Variants in PCDHA6 observed in about 807,000 individuals in gnomAD.
PCDHA6 encodes protocadherin alpha 6.
A neutral mutation model predicts 60.3 loss-of-function variants in PCDHA6; 55 were observed. The observed-to-expected ratio is 0.91, with a 90% confidence interval of 0.73 to 1.14. The LOEUF is 1.14. Among genes scored for constraint, PCDHA6 ranks in the 50% most tolerant of loss-of-function variants. The pLI is 0.00. For synonymous variants in PCDHA6, 652 were observed against 557.9 expected (o/e 1.17, Z -2.38); for missense variants, 1,327 against 1,256.5 (o/e 1.06, Z -0.85).
intron 1 of PCDHA6, among the ~76,000 whole-genome samples, chr5:140,945,406 G>A (rs992531626): frequency 2.0e-4 from 30 of 151,882 alleles, no homozygotes; most frequent in East Asian, 1.2e-3. Flanking sequence ...AATACAATTC[G>A]TATCAAAATT....
intron 1 of PCDHA6, among the ~76,000 whole-genome samples, chr5:140,933,147 A>G (rs1584764690): frequency 6.6e-6 from 1 of 151,986 alleles, no homozygotes. Context: ...ATAGCCACTC[A>G]TTTTGTTCCC....
intron 1 of PCDHA6, among the ~76,000 whole-genome samples, chr5:140,891,246 AT>A (rs1213637493): frequency 2.0e-5 from 3 of 151,650 alleles, no homozygotes; most frequent in Non-Finnish European, 4.4e-5. Flanking sequence ...ATTCAGTAGG[AT>A]TTTTTTTAAT....
intron 1 of PCDHA6, chr5:140,875,899 T>C: frequency 1.2e-6 from 2 of 1,614,192 alleles, no homozygotes; most frequent in South Asian, 1.1e-5. Context: ...GGTACCTGTT[T>C]CTGAATCTGC....
chr5:140,841,770 C>A lies in PCDHA6; in HGVS notation c.2394+11285C>A, dbSNP rs148555729. 329 of 1,613,798 alleles carry A rather than the reference C, an allele frequency of 2.0e-4. 2 individuals carry two copies. The highest frequency in any genetic ancestry group is 3.6e-5 in the Non-Finnish European group (43 of 1,179,882). ...GTTTCAGAATCCAGAATGCCAGACT[C>A]TCGGTTTCCGCTAGAGGGCGCGTCC... On this transcript the variant is annotated intron_variant, in intron 1 of 3. Transcript: ENST00000529310.
chr5:140,920,559 C>T (rs2153557837), intron 1 of PCDHA6, among the ~76,000 whole-genome samples: 2 of 152,226 alleles, frequency 1.3e-5, no homozygotes, highest in South Asian at 4.1e-4. Context: ...GAAGTGTGGC[C>T]CTTAGGCCAG....
chr5:140,870,675 C>G, intron 1 of PCDHA6: 1 of 1,612,672 alleles, frequency 6.2e-7, no homozygotes, highest in Non-Finnish European at 8.5e-7. Context: ...CGTTGGACCA[C>G]GAGGAGCTGG....
chr5:140,896,404 G>T (rs1003824556), intron 1 of PCDHA6, among the ~76,000 whole-genome samples: 4 of 151,996 alleles, frequency 2.6e-5, no homozygotes, highest in Admixed American at 2.6e-4. Context: ...TGTTATTTTT[G>T]ACTTTTTAGT....
chr5:140,875,918 A>T, intron 1 of PCDHA6: 1 of 1,613,782 alleles, frequency 6.2e-7, no homozygotes, highest in Non-Finnish European at 8.5e-7. Flanking sequence ...GCGCCTCTGG[A>T]CTCTCATTTT....
intron 3 of PCDHA6, among the ~76,000 whole-genome samples, chr5:140,991,989 G>A (rs782528431): frequency 1.3e-5 from 2 of 151,180 alleles, no homozygotes; most frequent in African/African-American, 4.9e-5. Flanking sequence ...CCTACCACCC[G>A]GTCTTTCATG....
intron 1 of PCDHA6, chr5:140,834,522 C>G: frequency 6.2e-7 from 1 of 1,614,068 alleles, no homozygotes; most frequent in Non-Finnish European, 8.5e-7. Context: ...CTTCGTGGGC[C>G]GCATCGCGCA....
intron 1 of PCDHA6, chr5:140,877,782 G>A (rs1389004100): frequency 6.2e-7 from 1 of 1,614,036 alleles, no homozygotes; most frequent in Non-Finnish European, 8.5e-7. Context: ...CGGACCTCAT[G>A]GCCTTCAGCC....
intron 1 of PCDHA6, chr5:140,864,139 T>C (rs2048337993): frequency 6.6e-6 from 1 of 152,226 alleles, no homozygotes; most frequent in South Asian, 2.1e-4. Context: ...GGCTGTTTCC[T>C]GTAAATGAGA....
chr5:140,903,524 A>T (rs2070355065), intron 1 of PCDHA6, among the ~76,000 whole-genome samples: 1 of 152,156 alleles, frequency 6.6e-6, no homozygotes, highest in Non-Finnish European at 1.5e-5. Flanking sequence ...TGTGTTGTTC[A>T]CTTTAAACTA....
chr5:140,840,817 C>T (rs1422232698), intron 1 of PCDHA6, among the ~76,000 whole-genome samples: 1 of 152,040 alleles, frequency 6.6e-6, no homozygotes, highest in Non-Finnish European at 1.5e-5. Context: ...ACCAGTGTTT[C>T]TGGTGACCAA....
At chr5:140,899,175 C>G (rs1219166721) in intron 1 of PCDHA6, among the ~76,000 whole-genome samples, 2 of 152,034 alleles carry the variant, frequency 1.3e-5, no homozygotes, top group African/African-American at 4.8e-5. Flanking sequence ...AATTGAATAC[C>G]CTTTATTTCC....
chr5:140,979,122 T>C (rs1271679977), intron 2 of PCDHA6, 115 bp downstream of exon 2: 2 of 1,493,778 alleles, frequency 1.3e-6, no homozygotes, highest in African/African-American at 2.8e-5. Flanking sequence ...TTAGGTACTT[T>C]GCCAGGAAAA....
chr5:140,829,366 A>G lies in PCDHA6; in HGVS notation c.1275A>G (p.Val425=), dbSNP rs17853691. The G allele has an allele frequency of 6.2e-7, 1 of 1,614,210 alleles. No individual in the cohort carries two copies. The change falls in exon 1 of 4, where the codon GTA becomes GTG. Residue 425 remains valine (V), a synonymous_variant. Transcript: ENST00000529310. ...GCGTGTCGGCCTATGAGTTGGTGGT[A>G]ACCGCGCGGGACGGGGGCTCGCCTT... The part of the protein sequence containing the change: ...RESVSAYELV[V]TARDGGSPSL...
At chr5:140,858,172 G>A (rs1554151243) in intron 1 of PCDHA6, 1 of 1,597,816 alleles carries the variant, frequency 6.3e-7, no homozygotes, top group South Asian at 1.1e-5. Context: ...TGTCCAGCTT[G>A]CTGGTGCTCA....
rs2150435821 is a variant in PCDHA6 at position 140,849,360 on chromosome 5, A to G, written c.2394+18875A>G. ...CTTCTCCAGTGATGTTTCTCCAGAT[A>G]TAAAATCCAAGTTCCACATGGACCC... On this transcript the variant is annotated intron_variant, in intron 1 of 3. Transcript: ENST00000529310. The G allele has an allele frequency of 6.8e-6, 10 of 1,467,526 alleles. No homozygotes were observed. In the African/African-American group the frequency reaches 1.1e-4, roughly 16 times the overall value. The allele number at this position is 1,467,526 out of a possible 1,614,324, so 90.9% of individuals were successfully genotyped here. A position where few individuals can be genotyped will look rare whatever the true frequency, so the allele number is the denominator to read the frequency against.
Sources: allele counts gnomAD v4.1 joint callset (sites outside exome capture counted in the v4.1 genomes callset), GRCh38; gene constraint gnomAD v4.1.1; transcripts MANE v1.5; gene names NCBI Gene and HGNC (gene_info 2026-07-23, HGNC 2026-07-21).